FAM89A: variants seen among roughly 807,000 people sequenced by gnomAD.
FAM89A encodes the protein family with sequence similarity 89 member A, also known as protein FAM89A.
A neutral mutation model predicts 7.1 loss-of-function variants in FAM89A; 10 were observed. That is an observed-to-expected ratio of 1.40 (90% CI 0.86 to 2.38). The LOEUF (loss-of-function observed/expected upper bound fraction) is 2.38, where lower values mean the gene tolerates loss of function less well. Ranked by LOEUF, FAM89A falls within the 30% of genes most tolerant of loss-of-function variation. The pLI is 0.00. For missense variants in FAM89A, 276 were observed against 262.8 expected, an observed-to-expected ratio of 1.05 and a Z score of -0.35; for synonymous variants, 157 against 129.3, an observed-to-expected ratio of 1.21 and a Z score of -1.45.
At chr1:231,027,019 T>C (rs1679987300) in intron 1 of FAM89A, 1 of 152,172 alleles carries the variant, frequency 6.6e-6, no homozygotes, top group Non-Finnish European at 1.5e-5. Context: ...GAAAAACACC[T>C]AAGTAGCAGT....
At chr1:231,039,426 C>G (rs1680216405) in intron 1 of FAM89A, among the ~76,000 whole-genome samples, 1 of 152,242 alleles carries the variant, frequency 6.6e-6, no homozygotes, top group Non-Finnish European at 1.5e-5. Context: ...GACGCGCGGC[C>G]TGGGGCGCCG....
Position 231,039,931 on chromosome 1 carries a change from C to T in FAM89A, c.281G>A (p.Arg94His). The stretch of plus-strand genomic sequence containing the variant: ...CGGAGCCCCACTCACCATCTCTTTG[C>T]GGAGCAGCGCCAGAGCGGCGTCCAG... Reference protein sequence around the residue: ...PNLDAALALLRKEMVGLRQLD... With the variant: ...PNLDAALALLHKEMVGLRQLD... Residue 94 changes from arginine to histidine, a missense_variant, in exon 1 of 2, where the codon CGC (arginine) becomes CAC (histidine). Arg to His is a conservative substitution (Grantham distance 29, BLOSUM62 0). Coordinates refer to ENST00000366654, the MANE Select transcript of FAM89A (RefSeq NM_198552.3). 7.5e-7 allele frequency: 1 copy of T among 1,338,216 alleles called. No individual in the cohort carries two copies. The highest frequency in any genetic ancestry group is 1.9e-5 in the South Asian group (1 of 52,012). The allele number at this position is 1,338,216 out of a possible 1,614,324, so 82.9% of individuals were successfully genotyped here.
intron 1 of FAM89A, among the ~76,000 whole-genome samples, chr1:231,024,976 G>A (rs1021711235): frequency 8.1e-5 from 11 of 135,696 alleles, no homozygotes; most frequent in Non-Finnish European, 1.5e-4. Context: ...AGGCTGGAGT[G>A]TAGTGGTGTA....
intron 1 of FAM89A, among the ~76,000 whole-genome samples, chr1:231,032,835 T>C (rs568711066): frequency 2.3e-4 from 35 of 152,336 alleles, no homozygotes; most frequent in African/African-American, 8.2e-4. Flanking sequence ...TAGGGAGCTC[T>C]GGGCAGAGGA....
chr1:231,030,591 AT>A (rs113295637), intron 1 of FAM89A, among the ~76,000 whole-genome samples: 8 of 152,054 alleles, frequency 5.3e-5, no homozygotes, highest in East Asian at 1.9e-4. Flanking sequence ...ACATTCTTTT[AT>A]TTTTTTTCTG....
intron 1 of FAM89A, among the ~76,000 whole-genome samples, chr1:231,030,354 C>G (rs1558256137): frequency 6.6e-6 from 1 of 152,222 alleles, no homozygotes; most frequent in Non-Finnish European, 1.5e-5. Context: ...CCAGGAAACT[C>G]CTCTACCAGG....
In FAM89A at chr1:231,040,003, C is replaced by G; in HGVS notation, c.209G>C (p.Gly70Ala). The G allele has an allele frequency of 7.1e-7, 1 of 1,408,598 alleles. No homozygotes were observed. The highest frequency in any genetic ancestry group is 9.2e-7 in the Non-Finnish European group (1 of 1,086,208). The allele number at this position is 1,408,598 out of a possible 1,614,324, so 87.3% of individuals were successfully genotyped here. A position where few individuals can be genotyped will look rare whatever the true frequency, so the allele number is the denominator to read the frequency against. Reference protein sequence around the residue: ...IQDELSRGGPGGGGARAAALP... With the variant: ...IQDELSRGGPAGGGARAAALP... Reference sequence around the variant, plus strand: ...CGCTGCCGCCCGGGCCCCGCCGCCGCCCGGGCCCCCGCGGCTCAGCTCGTC... The same window carrying G: ...CGCTGCCGCCCGGGCCCCGCCGCCGGCCGGGCCCCCGCGGCTCAGCTCGTC... Residue 70 changes from glycine (G) to alanine (A), a missense_variant, in exon 1 of 2, where the codon GGC becomes GCC. Transcript: ENST00000366654.
At chr1:231,038,576 CAATG>C (rs1680197667) in intron 1 of FAM89A, among the ~76,000 whole-genome samples, 1 of 152,160 alleles carries the variant, frequency 6.6e-6, no homozygotes. Context: ...ATGCTTATGT[CAATG>C]AATGTTTTTT....
intron 1 of FAM89A, 124 bp downstream of exon 1, chr1:231,039,796 TG>T (rs1680226580): frequency 2.0e-6 from 2 of 993,874 alleles, no homozygotes; most frequent in Non-Finnish European, 2.6e-6. Context: ...CGCCGGCGCC[TG>T]GGGCGGAGGA....
At chr1:231,030,841 G>A (rs2103074437) in intron 1 of FAM89A, among the ~76,000 whole-genome samples, 1 of 152,302 alleles carries the variant, frequency 6.6e-6, no homozygotes, top group African/African-American at 2.4e-5. Flanking sequence ...CAGGTGAGGT[G>A]ACTTACACCT....
chr1:231,026,110 TGTTA>T (rs1558255037), intron 1 of FAM89A: 1 of 154,024 alleles, frequency 6.5e-6, no homozygotes, highest in Non-Finnish European at 1.5e-5. Context: ...CTATTCTCAT[TGTTA>T]GTATTTCCAT....
At chr1:231,022,411 G>C (rs1679894467) in intron 1 of FAM89A, among the ~76,000 whole-genome samples, 1 of 152,190 alleles carries the variant, frequency 6.6e-6, no homozygotes, top group African/African-American at 2.4e-5. Flanking sequence ...CAGTTCTAGA[G>C]TGAGAGAAAG....
intron 1 of FAM89A, among the ~76,000 whole-genome samples, chr1:231,024,914 CTTT>C (rs60500715): frequency 0.036 from 2,249 of 62,972 alleles, 18 homozygotes; most frequent in South Asian, 0.078. Flanking sequence ...CACAACTACT[CTTT>C]TTTTTTTTTT....
intron 1 of FAM89A, among the ~76,000 whole-genome samples, chr1:231,033,203 G>C (rs1458765857): frequency 2.0e-5 from 3 of 152,222 alleles, no homozygotes; most frequent in Non-Finnish European, 2.9e-5. Flanking sequence ...CAAAGGCCAA[G>C]GCGGCCAGGA....
In FAM89A at chr1:231,019,426, G is replaced by A; in HGVS notation, c.*437C>T. On this transcript the variant is annotated 3_prime_UTR_variant, in exon 2 of 2. Transcript: ENST00000366654. The stretch of plus-strand genomic sequence containing the variant: ...CTGCAGAGCATATTGAGGAAGGGAA[G>A]CAGTGAAATGGTGGTTTTAATACAT... 1 of 160,164 alleles carries A rather than the reference G, an allele frequency of 6.2e-6. No homozygotes were observed. The highest frequency in any genetic ancestry group is 1.8e-4 in the East Asian group (1 of 5,470). 9.9% of individuals were successfully genotyped at this position (160,164 alleles called of 1,614,324 possible). A position where few individuals can be genotyped will look rare whatever the true frequency, so the allele number is the denominator to read the frequency against.
intron 1 of FAM89A, chr1:231,021,676 A>G (rs1426344521): frequency 6.3e-7 from 1 of 1,575,816 alleles, no homozygotes; most frequent in Non-Finnish European, 8.7e-7. Flanking sequence ...GAACACGGGA[A>G]GCAACCTCCA....
At position 231,040,001 on chromosome 1, in the gene FAM89A, C is replaced by G; in HGVS notation, c.211G>C (p.Gly71Arg). ...AGCGCTGCCGCCCGGGCCCCGCCGC[C>G]GCCCGGGCCCCCGCGGCTCAGCTCG... ...QDELSRGGPG[G>R]GGARAAALPA... Residue 71 changes from glycine to arginine, a missense_variant, in exon 1 of 2, where the codon GGC (glycine) becomes CGC (arginine). By Grantham distance (125) the Gly-to-Arg change is moderately radical. Coordinates refer to ENST00000366654, the MANE Select transcript of FAM89A (RefSeq NM_198552.3). 3 of 1,395,466 alleles carry G rather than the reference C, an allele frequency of 2.1e-6. No homozygotes were observed. Among genetic ancestry groups the G allele is most frequent in the Non-Finnish European group, 2.8e-6 (3 of 1,081,922 alleles). The allele number at this position is 1,395,466 out of a possible 1,614,324, so 86.4% of individuals were successfully genotyped here.
At chr1:231,036,127 C>A (rs1680152841) in intron 1 of FAM89A, among the ~76,000 whole-genome samples, 1 of 152,164 alleles carries the variant, frequency 6.6e-6, no homozygotes, top group African/African-American at 2.4e-5. Context: ...CCCCATAAGC[C>A]CTAGTTCTAG....
rs1679821430 is a variant in FAM89A at position 231,019,010 on chromosome 1, T to A, written c.*853A>T. ...TAACCTACAAAGTGTAATGTTCTCA[T>A]AAAGTATTTTAATAAATATATTAAG... is the stretch of plus-strand genomic sequence containing the variant. On this transcript the variant is annotated 3_prime_UTR_variant, in exon 2 of 2. Transcript: ENST00000366654. 1 of 152,220 alleles carries A rather than the reference T, an allele frequency of 6.6e-6. No individual in the cohort carries two copies. The highest frequency in any genetic ancestry group is 2.4e-5 in the African/African-American group (1 of 41,464). 9.4% of individuals were successfully genotyped at this position (152,220 alleles called of 1,614,324 possible). A position where few individuals can be genotyped will look rare whatever the true frequency, so the allele number is the denominator to read the frequency against.
Sources: gnomAD v4.1 joint callset for allele counts (sites outside exome capture counted in the v4.1 genomes callset) on GRCh38, gnomAD v4.1.1 for gene constraint, MANE v1.5 for transcripts, NCBI Gene and HGNC (gene_info 2026-07-23, HGNC 2026-07-21) for gene names.